Variants in GNA15 observed in about 807,000 individuals in gnomAD.
GNA15 encodes G protein subunit alpha 15.
GNA15 carries 23 observed loss-of-function variants against 40.1 expected under a neutral mutation model. That is an observed-to-expected ratio of 0.57 (90% CI 0.41 to 0.81). The LOEUF is 0.81. Ranked by LOEUF, GNA15 falls within the 40% of genes least tolerant of loss-of-function variation. GNA15 has a pLI of 0.00. For synonymous variants in GNA15, 226 were observed against 210.4 expected, an observed-to-expected ratio of 1.07 and a Z score of -0.64; for missense variants, 522 against 515.8, an observed-to-expected ratio of 1.01 and a Z score of -0.12.
chr19:3,158,709 A>G (rs1044906541), intron 6 of GNA15, among the ~76,000 whole-genome samples: 8 of 150,180 alleles, frequency 5.3e-5, no homozygotes, highest in African/African-American at 2.0e-4. Context: ...GCAACCTCCA[A>G]CTCCCCGGTT....
At chr19:3,137,085 A>T (rs1914476460) in intron 1 of GNA15, among the ~76,000 whole-genome samples, 1 of 152,168 alleles carries the variant, frequency 6.6e-6, no homozygotes, top group African/African-American at 2.4e-5. Flanking sequence ...GAAAGGATGG[A>T]TTGATTGGTT....
rs143247880 is a variant in GNA15, at chr19:3,157,831, A to G, written c.848A>G (p.Glu283Gly). 6.8e-5 allele frequency: 110 copies of G among 1,613,714 alleles called. No individual in the cohort carries two copies. Among genetic ancestry groups the G allele is most frequent in the Non-Finnish European group, 1.3e-5 (15 of 1,179,712 alleles). ...TTTCTCAACAAAACCGACATCCTGG[A>G]GGAGAAAATCCCCACCTCCCACCTG... Reference protein sequence around the residue: ...ILFLNKTDILEEKIPTSHLAT... With the variant: ...ILFLNKTDILGEKIPTSHLAT... The change falls in exon 6 of 7, where the codon GAG becomes GGG. Residue 283 changes from glutamate (E) to glycine (G), a missense_variant. Glu to Gly is a moderately conservative substitution (Grantham distance 98). Coordinates refer to ENST00000262958, the MANE Select transcript of GNA15 (RefSeq NM_002068.4).
chr19:3,154,339 G>A (rs1347031868), intron 4 of GNA15, among the ~76,000 whole-genome samples: 7 of 136,942 alleles, frequency 5.1e-5, no homozygotes, highest in African/African-American at 8.0e-5. Context: ...GGTGGGTGAC[G>A]GATGAATGGA....
At chr19:3,150,404 G>C in intron 3 of GNA15, 119 bp downstream of exon 3, 2 of 880,262 alleles carry the variant, frequency 2.3e-6, no homozygotes, top group Non-Finnish European at 3.4e-6. Context: ...AGGTGGTCCT[G>C]CTCCAGGATG....
At chr19:3,137,999 C>A (rs1914492146) in intron 1 of GNA15, among the ~76,000 whole-genome samples, 1 of 152,038 alleles carries the variant, frequency 6.6e-6, no homozygotes, top group Non-Finnish European at 1.5e-5. Flanking sequence ...ATAAATAAAT[C>A]ATGCCTGTAA....
intron 2 of GNA15, chr19:3,149,837 A>C: frequency 1.7e-5 from 5 of 293,846 alleles, no homozygotes; most frequent in Non-Finnish European, 2.6e-5. Flanking sequence ...GGAGCCAGCT[A>C]GTGTAAAGAG....
At position 3,145,677 on chromosome 19, in the gene GNA15, A is replaced by T. The variant is rs993860563; in HGVS notation, c.146-2914A>T. On this transcript the variant is annotated intron_variant, in intron 1 of 6. Coordinates refer to ENST00000262958, the MANE Select transcript of GNA15 (RefSeq NM_002068.4). ...ATTCTTCTGCCTCAGCCTCCCGAAT[A>T]GCTGGGATTACAGGCGCCCACCAGC... is the stretch of plus-strand genomic sequence containing the variant. 3.6e-5 allele frequency among the ~76,000 whole-genome samples: 5 copies of T among 138,848 alleles called. No individual in the cohort carries two copies. The East Asian group carries it at 1.1e-3, about 30-fold the overall frequency. 91.1% of individuals were successfully genotyped at this position (138,848 alleles called of 152,430 possible).
chr19:3,162,663 C>T, intron 6 of GNA15, 130 bp from the exon 7 acceptor site: 2 of 631,352 alleles, frequency 3.2e-6, no homozygotes, highest in Non-Finnish European at 5.7e-6. Context: ...AAGATGGAGT[C>T]AACGCACAGA....
intron 1 of GNA15, among the ~76,000 whole-genome samples, chr19:3,137,097 A>T (rs1914476676): frequency 6.6e-6 from 1 of 152,204 alleles, no homozygotes; most frequent in Non-Finnish European, 1.5e-5. Context: ...TGATTGGTTC[A>T]TTGGTTCATT....
chr19:3,152,020 C>G (rs955591498), intron 4 of GNA15, among the ~76,000 whole-genome samples, 185 bp downstream of exon 4: 1 of 152,192 alleles, frequency 6.6e-6, no homozygotes, highest in East Asian at 1.9e-4. Context: ...GGACTGGGAC[C>G]TGTAGGAGCC....
chr19:3,158,306 C>T (rs991226992), intron 6 of GNA15, among the ~76,000 whole-genome samples: 6 of 152,000 alleles, frequency 3.9e-5, no homozygotes, highest in Admixed American at 1.3e-4. Context: ...CGCGCCACCA[C>T]GCCCAGCTAA....
Position 3,162,858 on chromosome 19 carries a change from G to C in GNA15, c.964G>C (p.Gly322Arg), listed in dbSNP as rs372928786. Residue 322 changes from glycine (G) to arginine (R), a missense_variant, in exon 7 of 7, where the codon GGG becomes CGG. Coordinates refer to ENST00000262958, the MANE Select transcript of GNA15 (RefSeq NM_002068.4). ...GGACATGTACACGAGGATGTACACC[G>C]GGTGCGTGGACGGCCCCGAGGGCAG... ...ILDMYTRMYT[G>R]CVDGPEGSKK... 1 of 1,613,928 alleles carries C rather than the reference G, an allele frequency of 6.2e-7. No homozygotes were observed. The highest frequency in any genetic ancestry group is 1.3e-5 in the African/African-American group (1 of 74,918).
At chr19:3,157,926 A>G in intron 6 of GNA15, 45 bp downstream of exon 6, 1 of 1,454,924 alleles carries the variant, frequency 6.9e-7, no homozygotes, top group Non-Finnish European at 9.6e-7. Flanking sequence ...TCCCAAAAGC[A>G]GCTCCGAAGA....
chr19:3,140,362 C>A (rs983772367), intron 1 of GNA15, among the ~76,000 whole-genome samples: 2 of 152,156 alleles, frequency 1.3e-5, no homozygotes, highest in South Asian at 4.1e-4. Context: ...TGCCTTTGCT[C>A]ATTTTTTTCT....
At chr19:3,142,180 A>T (rs2144841828) in intron 1 of GNA15, 1 of 152,318 alleles carries the variant, frequency 6.6e-6, no homozygotes, top group South Asian at 2.1e-4. Context: ...AGGAAGCAGG[A>T]ACTTCCCGTC....
In GNA15 at chr19:3,136,505, A is replaced by G; in HGVS notation, c.55A>G (p.Lys19Glu). The G allele has an allele frequency of 6.4e-7, 1 of 1,561,058 alleles. No homozygotes were observed. The highest frequency in any genetic ancestry group is 8.7e-7 in the Non-Finnish European group (1 of 1,153,136). Residue 19 changes from lysine to glutamate, a missense_variant, in exon 1 of 7, where the codon AAG becomes GAG. By Grantham distance (56) the Lys-to-Glu change is moderately conservative (BLOSUM62 1). Coordinates refer to ENST00000262958, the MANE Select transcript of GNA15 (RefSeq NM_002068.4). The surrounding 1 kb of genome is among the most constrained non-coding windows in gnomAD (Gnocchi z 4.9). ...CCPWCLTEDEKAAARVDQEIN... is the reference protein window; with the variant it reads ...CCPWCLTEDEEAAARVDQEIN... ...CCCCTGGTGCCTGACGGAGGATGAG[A>G]AGGCCGCCGCCCGGGTGGACCAGGA...
rs1444066811 is a variant in GNA15, at chr19:3,148,756, T to C, written c.311T>C (p.Phe104Ser). 6.2e-7 allele frequency: 1 copy of C among 1,600,864 alleles called. No homozygotes were observed. Among genetic ancestry groups the C allele is most frequent in the Admixed American group, 1.7e-5 (1 of 58,222 alleles). Reference sequence around the variant, plus strand: ...GCCATGGAGCGGCTGCAGATTCCATTCAGCAGGCCCGAGAGCAAGGTGAGC... The same window carrying C: ...GCCATGGAGCGGCTGCAGATTCCATCCAGCAGGCCCGAGAGCAAGGTGAGC... ...IEAMERLQIP[F>S]SRPESKHHAS... The change falls in exon 2 of 7, where the codon TTC becomes TCC. Residue 104 changes from phenylalanine to serine, a missense_variant. Phe to Ser is a radical substitution (Grantham distance 155). Transcript: ENST00000262958.
intron 6 of GNA15, among the ~76,000 whole-genome samples, chr19:3,158,348 T>C (rs1036241552): frequency 3.3e-5 from 5 of 151,920 alleles, no homozygotes; most frequent in Admixed American, 6.6e-5. Context: ...AAGACGGGAT[T>C]TCACCATGTT....
chr19:3,136,648 CGGCAGGGGTGTCGGGGCAAGGA>C lies in GNA15; in HGVS notation c.145+57_145+78del. ...TGGTGGGCAGTGGGCGGTGGCCAGC[CGGCAGGGGTGTCGGGGCAAGGA>C]GGCGGATCAGGCTAGGTCAGACATT... On this transcript the variant is annotated intron_variant, in intron 1 of 6. Coordinates refer to ENST00000262958, the MANE Select transcript of GNA15 (RefSeq NM_002068.4). This position sits in a 1 kb window ranked among gnomAD's most constrained non-coding sequence, Gnocchi z 4.9. The C allele has an allele frequency of 6.7e-7, 1 of 1,498,648 alleles. No homozygotes were observed. Among genetic ancestry groups the C allele is most frequent in the South Asian group, 1.2e-5 (1 of 82,060 alleles). 92.8% of individuals were successfully genotyped at this position (1,498,648 alleles called of 1,614,324 possible).
Sources: gnomAD v4.1 joint callset for allele counts (sites outside exome capture counted in the v4.1 genomes callset) on GRCh38, gnomAD v4.1.1 for gene constraint, Gnocchi (gnomAD v3.1) non-coding constraint, MANE v1.5 for transcripts, NCBI Gene and HGNC (gene_info 2026-07-23, HGNC 2026-07-21) for gene names.